ZNF592: variants seen among roughly 807,000 people sequenced by gnomAD.
The protein encoded by ZNF592 is zinc finger protein 592.
Under a neutral mutation model 80.3 loss-of-function variants are expected in ZNF592, and 11 were observed. That is an observed-to-expected ratio of 0.14 (90% CI 0.09 to 0.23). The LOEUF is 0.23. ZNF592 is among the 10% of genes least tolerant of loss of function. The probability of loss-of-function intolerance (pLI) is 1.00; values close to 1 mark genes in which losing one functional copy is unlikely to be tolerated. For synonymous variants in ZNF592, 646 were observed against 640.3 expected (o/e 1.01, Z -0.13); for missense variants, 1,420 against 1,633.9 (o/e 0.87, Z 2.26).
At chr15:84,792,640 G>A (rs1962781987) in intron 5 of ZNF592, among the ~76,000 whole-genome samples, 1 of 152,098 alleles carries the variant, frequency 6.6e-6, no homozygotes, top group South Asian at 2.1e-4. Context: ...TTTGTAGAGA[G>A]AGGGTTTCAC....
chr15:84,798,843 TAC>T lies in ZNF592; in HGVS notation c.2993_2994del (p.Tyr998CysfsTer21). ...CQEWVPDRES[Y>X]VSHMKKSHGR... is the part of the protein sequence containing the mutation. Reference sequence around the variant, plus strand: ...GGAGTGGGTTCCAGATCGGGAGAGCTACGTGTCCCACATGAAAAAGAGCCACG... The same window carrying T: ...GGAGTGGGTTCCAGATCGGGAGAGCTGTGTCCCACATGAAAAAGAGCCACG... On this transcript the variant is annotated frameshift_variant, in exon 8 of 11. Coordinates refer to ENST00000560079, the MANE Select transcript of ZNF592 (RefSeq NM_014630.3). LOFTEE classifies it high-confidence loss of function. This position sits in a 1 kb window ranked among gnomAD's most constrained non-coding sequence, Gnocchi z 4.5. 1 of 1,599,100 alleles carries T rather than the reference TAC, an allele frequency of 6.3e-7. No homozygotes were observed. The highest frequency in any genetic ancestry group is 1.1e-5 in the South Asian group (1 of 90,974).
At chr15:84,776,586 T>A (rs1053001932) in intron 2 of ZNF592, among the ~76,000 whole-genome samples, 2 of 152,126 alleles carry the variant, frequency 1.3e-5, no homozygotes, top group Non-Finnish European at 2.9e-5. Flanking sequence ...CGAAACCCCA[T>A]CTCTATTAGA....
intron 2 of ZNF592, among the ~76,000 whole-genome samples, chr15:84,765,281 T>C (rs1444050932): frequency 6.6e-6 from 1 of 152,248 alleles, no homozygotes; most frequent in Non-Finnish European, 1.5e-5. Context: ...GATAGATACT[T>C]GGGTTACTTC....
chr15:84,753,364 A>G (rs1899068234), intron 1 of ZNF592: 1 of 152,224 alleles, frequency 6.6e-6, no homozygotes, highest in Admixed American at 6.5e-5. Context: ...ATGTGAAGGA[A>G]ACACTGATTT....
intron 1 of ZNF592, among the ~76,000 whole-genome samples, chr15:84,750,932 T>C (rs1219708554): frequency 2.0e-5 from 3 of 152,134 alleles, no homozygotes; most frequent in Non-Finnish European, 4.4e-5. Flanking sequence ...CCAGTGTAAT[T>C]AGGAACCTTT....
At position 84,771,134 on chromosome 15, in the gene ZNF592, A is replaced by T. The variant is rs1050522988; in HGVS notation, c.-150+6319A>T. Among the ~76,000 whole-genome samples the T allele has an allele frequency of 4.6e-5, 7 of 152,084 alleles. No individual in the cohort carries two copies. In the South Asian group the frequency reaches 1.5e-3, roughly 32 times the overall value. ...GCCAGGTGTGTTAGGTCACGGAAAT[A>T]GAGGGGAAAGACATGACCCCCACAC... is the stretch of plus-strand genomic sequence containing the variant. On this transcript the variant is annotated intron_variant, in intron 2 of 10. Coordinates refer to ENST00000560079, the MANE Select transcript of ZNF592 (RefSeq NM_014630.3).
chr15:84,751,977 G>T (rs776910416), intron 1 of ZNF592, among the ~76,000 whole-genome samples: 2 of 151,952 alleles, frequency 1.3e-5, no homozygotes, highest in Non-Finnish European at 2.9e-5. Context: ...GCCCAGGCTG[G>T]CCTTGAACTC....
intron 5 of ZNF592, among the ~76,000 whole-genome samples, chr15:84,796,111 A>G (rs1278418183): frequency 6.7e-6 from 1 of 149,994 alleles, no homozygotes; most frequent in African/African-American, 2.5e-5. Flanking sequence ...AATCCCAGCT[A>G]CTTGGGAGGC....
intron 1 of ZNF592, among the ~76,000 whole-genome samples, chr15:84,759,404 A>G (rs1899275868): frequency 1.3e-5 from 2 of 152,134 alleles, no homozygotes; most frequent in Non-Finnish European, 2.9e-5. Context: ...GGTGGTGGCC[A>G]TGAAGTATTC....
intron 1 of ZNF592, among the ~76,000 whole-genome samples, chr15:84,761,647 A>G (rs1285349415): frequency 4.6e-5 from 7 of 152,162 alleles, no homozygotes; most frequent in Admixed American, 1.3e-4. Context: ...TAAGCAGGCA[A>G]TAGTATCCCA....
rs1178041702 is a variant in ZNF592, at chr15:84,764,733, C to G, written c.-232C>G. ...TGGTGTTTGGACTCTAGACCATGTGCCTAGGTAGAAGTTTTTCCTTTCTCC... is the reference window on the plus strand; with the variant it reads ...TGGTGTTTGGACTCTAGACCATGTGGCTAGGTAGAAGTTTTTCCTTTCTCC... On this transcript the variant is annotated 5_prime_UTR_variant, in exon 2 of 11. Transcript: ENST00000560079. 5.0e-6 allele frequency: 2 copies of G among 398,816 alleles called. No individual in the cohort carries two copies. Among genetic ancestry groups the G allele is most frequent in the Non-Finnish European group, 8.8e-6 (2 of 226,062 alleles). 24.7% of individuals were successfully genotyped at this position (398,816 alleles called of 1,614,324 possible). A position where few individuals can be genotyped will look rare whatever the true frequency, so the allele number is the denominator to read the frequency against.
intron 2 of ZNF592, among the ~76,000 whole-genome samples, chr15:84,768,655 T>G (rs1273700140): frequency 6.6e-6 from 1 of 152,118 alleles, no homozygotes; most frequent in Non-Finnish European, 1.5e-5. Context: ...TCAAAACAAA[T>G]GACCTTATGG....
chr15:84,762,123 G>T (rs1397368499), intron 1 of ZNF592, among the ~76,000 whole-genome samples: 1 of 152,106 alleles, frequency 6.6e-6, no homozygotes, highest in Non-Finnish European at 1.5e-5. Context: ...TATATGTGAT[G>T]GTCTGCTATG....
chr15:84,783,043 T>A lies in ZNF592; in HGVS notation c.368T>A (p.Phe123Tyr). Residue 123 changes from phenylalanine (F) to tyrosine (Y), a missense_variant, in exon 4 of 11, where the codon TTC becomes TAC. Transcript: ENST00000560079. This position sits in a 1 kb window ranked among gnomAD's most constrained non-coding sequence, Gnocchi z 5.0. ...TFMNGDSARSFPGKLEPPKSE... is the reference protein window; with the variant it reads ...TFMNGDSARSYPGKLEPPKSE... ...ATGAATGGAGACAGTGCCAGGAGTT[T>A]CCCTGGCAAACTGGAGCCTCCCAAG... 1 of 1,614,138 alleles carries A rather than the reference T, an allele frequency of 6.2e-7. No homozygotes were observed. Among genetic ancestry groups the A allele is most frequent in the Non-Finnish European group, 8.5e-7 (1 of 1,180,022 alleles).
At position 84,784,143 on chromosome 15, in the gene ZNF592, G is replaced by A; in HGVS notation, c.1468G>A (p.Ala490Thr). 1.2e-6 allele frequency: 2 copies of A among 1,614,116 alleles called. No individual in the cohort carries two copies. Among genetic ancestry groups the A allele is most frequent in the Non-Finnish European group, 1.7e-6 (2 of 1,180,036 alleles). The change falls in exon 4 of 11, where the codon GCA becomes ACA. Residue 490 changes from alanine (A) to threonine (T), a missense_variant. Around this residue, in one of 7 missense-constraint regions of ZNF592, gnomAD observed 524 missense variants for 628.3 expected, o/e 0.83. Coordinates refer to ENST00000560079, the MANE Select transcript of ZNF592 (RefSeq NM_014630.3). This position sits in a 1 kb window ranked among gnomAD's most constrained non-coding sequence, Gnocchi z 5.8. ...GAAGCAACAGAGCACAGCACTGCAGGCATCCACCCTGGCCCCTGCCAACCT... is the reference window on the plus strand; with the variant it reads ...GAAGCAACAGAGCACAGCACTGCAGACATCCACCCTGGCCCCTGCCAACCT... ...GKKQQSTALQ[A>T]STLAPANLLP... is the part of the protein sequence containing the mutation.
Position 84,805,401 on chromosome 15 carries a change from T to C in ZNF592, c.*3008T>C, listed in dbSNP as rs1406228567. 6.6e-6 allele frequency: 1 copy of C among 152,394 alleles called. No homozygotes were observed. The highest frequency in any genetic ancestry group is 2.4e-5 in the African/African-American group (1 of 41,382). 9.4% of individuals were successfully genotyped at this position (152,394 alleles called of 1,614,324 possible). A position where few individuals can be genotyped will look rare whatever the true frequency, so the allele number is the denominator to read the frequency against. ...GAAAATGCTTGCTGTAACAAGCGTT[T>C]ATCTGCACATTATGCTGCAGTGAAT... is the stretch of plus-strand genomic sequence containing the variant. On this transcript the variant is annotated 3_prime_UTR_variant, in exon 11 of 11. Transcript: ENST00000560079.
Position 84,784,870 on chromosome 15 carries a change from G to C in ZNF592, c.2195G>C (p.Arg732Thr). ...DYMVLAAHFQRTTEETEGLTC... is the reference protein window; with the variant it reads ...DYMVLAAHFQTTTEETEGLTC... ...ATGGTCCTGGCTGCACATTTCCAGA[G>C]GACAACAGAGGAGACAGAGGGGCTG... is the stretch of plus-strand genomic sequence containing the variant. Residue 732 changes from arginine (R) to threonine (T), a missense_variant, in exon 4 of 11, where the codon AGG becomes ACG. By Grantham distance (71) the Arg-to-Thr change is moderately conservative. Transcript: ENST00000560079. The surrounding 1 kb of genome is among the most constrained non-coding windows in gnomAD (Gnocchi z 5.8). The C allele has an allele frequency of 6.2e-7, 1 of 1,614,140 alleles. No individual in the cohort carries two copies. Among genetic ancestry groups the C allele is most frequent in the Non-Finnish European group, 8.5e-7 (1 of 1,180,042 alleles).
At chr15:84,774,279 G>T (rs1962178984) in intron 2 of ZNF592, among the ~76,000 whole-genome samples, 1 of 152,220 alleles carries the variant, frequency 6.6e-6, no homozygotes, top group Non-Finnish European at 1.5e-5. Flanking sequence ...ACCTAATGGG[G>T]AATCCAGTGA....
At chr15:84,759,444 G>A (rs940518980) in intron 1 of ZNF592, among the ~76,000 whole-genome samples, 2 of 152,072 alleles carry the variant, frequency 1.3e-5, no homozygotes, top group Admixed American at 6.5e-5. Flanking sequence ...TCCCCTTGAC[G>A]CTGCTTCCTA....
Sources: gnomAD v4.1 joint callset for allele counts (sites outside exome capture counted in the v4.1 genomes callset) on GRCh38, gnomAD v4.1.1 for gene constraint, gnomAD v4.1.1 regional missense constraint, Gnocchi (gnomAD v3.1) non-coding constraint, MANE v1.5 for transcripts, NCBI Gene and HGNC (gene_info 2026-07-23, HGNC 2026-07-21) for gene names.